Variants in PRKCA observed in about 807,000 individuals in gnomAD.
PRKCA encodes the protein protein kinase C alpha type.
In PRKCA, 27 loss-of-function variants were observed where a neutral mutation model predicts 87.0. The ratio of observed to expected loss-of-function variants is 0.31; its 90% CI spans 0.23 to 0.43. PRKCA has a LOEUF of 0.43. PRKCA is among the 20% of genes least tolerant of loss of function. The pLI is 1.00. For synonymous variants in PRKCA, 329 were observed against 311.1 expected (o/e 1.06, Z -0.61); for missense variants, 518 against 852.3 (o/e 0.61, Z 4.88).
chr17:66,567,811 A>G (rs897493938), intron 3 of PRKCA, among the ~76,000 whole-genome samples: 1 of 152,180 alleles, frequency 6.6e-6, no homozygotes, highest in African/African-American at 2.4e-5. Flanking sequence ...CGATTTGAAA[A>G]ATTCCTATAA....
intron 2 of PRKCA, among the ~76,000 whole-genome samples, chr17:66,391,364 A>G (rs969599834): frequency 2.0e-5 from 3 of 152,114 alleles, no homozygotes; most frequent in Non-Finnish European, 4.4e-5. Context: ...CCAAGAAAAG[A>G]TGGATGTTCC....
intron 3 of PRKCA, among the ~76,000 whole-genome samples, chr17:66,636,105 A>G (rs562076166): frequency 1.3e-5 from 2 of 152,264 alleles, no homozygotes; most frequent in Non-Finnish European, 2.9e-5. Context: ...ATCCCACCCA[A>G]TACATTTAGG....
At chr17:66,556,907 A>G (rs954066894) in intron 3 of PRKCA, among the ~76,000 whole-genome samples, 1 of 152,212 alleles carries the variant, frequency 6.6e-6, no homozygotes, top group Admixed American at 6.5e-5. Flanking sequence ...GGACTAATAC[A>G]CTACTACCTG....
At chr17:66,580,505 A>G (rs1048418055) in intron 3 of PRKCA, among the ~76,000 whole-genome samples, 19 of 152,156 alleles carry the variant, frequency 1.2e-4, no homozygotes, top group African/African-American at 3.6e-4. Context: ...ACACTGAGCC[A>G]TGTTTGGGCT....
At chr17:66,422,098 C>T (rs1001803494) in intron 2 of PRKCA, among the ~76,000 whole-genome samples, 1 of 152,064 alleles carries the variant, frequency 6.6e-6, no homozygotes, top group East Asian at 1.9e-4. Context: ...GTCATAATCT[C>T]TTCTCATAAA....
intron 2 of PRKCA, among the ~76,000 whole-genome samples, chr17:66,360,141 A>G (rs1056494463): frequency 6.6e-6 from 1 of 152,212 alleles, no homozygotes; most frequent in African/African-American, 2.4e-5. Context: ...CCACTCAAAC[A>G]TCGCCGAACT....
intron 2 of PRKCA, among the ~76,000 whole-genome samples, chr17:66,435,893 C>G (rs748842751): frequency 5.3e-5 from 8 of 152,044 alleles, no homozygotes; most frequent in Non-Finnish European, 7.4e-5. Flanking sequence ...ACATGACCAT[C>G]GTGAAGGACC....
intron 2 of PRKCA, among the ~76,000 whole-genome samples, chr17:66,375,279 T>A (rs1173013175): frequency 6.6e-6 from 1 of 152,206 alleles, no homozygotes; most frequent in East Asian, 1.9e-4. Context: ...TTCACCTGGT[T>A]AATGAATATT....
At chr17:66,619,320 C>T (rs1377809927) in intron 3 of PRKCA, among the ~76,000 whole-genome samples, 3 of 152,186 alleles carry the variant, frequency 2.0e-5, no homozygotes, top group African/African-American at 7.2e-5. Context: ...GTGACTCTGG[C>T]AGGTGTCAAC....
At chr17:66,574,427 T>C (rs1567907616) in intron 3 of PRKCA, among the ~76,000 whole-genome samples, 1 of 152,114 alleles carries the variant, frequency 6.6e-6, no homozygotes, top group East Asian at 1.9e-4. Context: ...CTCAGAGTGT[T>C]TTTATGAAGA....
At chr17:66,692,680 G>C (rs1972816634) in intron 8 of PRKCA, among the ~76,000 whole-genome samples, 1 of 152,208 alleles carries the variant, frequency 6.6e-6, no homozygotes, top group African/African-American at 2.4e-5. Flanking sequence ...GTGCTTCCCA[G>C]TGTCTCCAGG....
intron 5 of PRKCA, among the ~76,000 whole-genome samples, chr17:66,649,097 C>CA (rs919549017): frequency 0.02 from 1,819 of 89,486 alleles, 15 homozygotes; most frequent in South Asian, 0.031. Flanking sequence ...GAGTCCATCT[C>CA]AAAAAAAAAA....
At chr17:66,346,907 T>C (rs1024600247) in intron 2 of PRKCA, among the ~76,000 whole-genome samples, 2 of 152,022 alleles carry the variant, frequency 1.3e-5, no homozygotes, top group African/African-American at 4.8e-5. Flanking sequence ...GGCTCACACC[T>C]GTAATCCCAG....
chr17:66,387,438 G>GAGA (rs1405030348), intron 2 of PRKCA, among the ~76,000 whole-genome samples: 1 of 152,180 alleles, frequency 6.6e-6, no homozygotes, highest in East Asian at 1.9e-4. Flanking sequence ...TGACAAAGTT[G>GAGA]AGAAGGATCT....
chr17:66,706,479 C>CAA (rs398031367), intron 8 of PRKCA, among the ~76,000 whole-genome samples: 2,257 of 142,836 alleles, frequency 0.016, 28 homozygotes, highest in African/African-American at 0.03. Flanking sequence ...ACTAAAAATA[C>CAA]AAAAAAAAAA....
At chr17:66,781,864 G>GATATATATAT (rs1474229305) in intron 14 of PRKCA, among the ~76,000 whole-genome samples, 7 of 117,324 alleles carry the variant, frequency 6.0e-5, no homozygotes, top group East Asian at 2.4e-4. Flanking sequence ...GAGAGAGAGA[G>GATATATATAT]AGAGATATAT....
At chr17:66,681,723 C>T (rs984008574) in intron 5 of PRKCA, among the ~76,000 whole-genome samples, 1 of 152,210 alleles carries the variant, frequency 6.6e-6, no homozygotes, top group African/African-American at 2.4e-5. Flanking sequence ...TAGCTGCCCA[C>T]GCTCTTGGTC....
Position 66,611,211 on chromosome 17 carries a change from G to T in PRKCA, c.289-30144G>T, listed in dbSNP as rs543822784. Among the ~76,000 whole-genome samples the T allele has an allele frequency of 5.9e-5, 9 of 152,240 alleles. No homozygotes were observed. In the East Asian group the frequency reaches 1.4e-3, roughly 23 times the overall value. ...CAAGATACAATTCATGTACCCATAA[G>T]CTTCACCCATTTAAAGTGTATAGCT... On this transcript the variant is annotated intron_variant, in intron 3 of 16. Transcript: ENST00000413366.
intron 16 of PRKCA, chr17:66,796,693 A>G (rs1251539903): frequency 3.0e-6 from 3 of 985,262 alleles, no homozygotes; most frequent in Non-Finnish European, 3.6e-6. Flanking sequence ...CCTCCCAGGA[A>G]GCCCAAGTGA....
Sources: gnomAD v4.1 joint callset for allele counts (sites outside exome capture counted in the v4.1 genomes callset) on GRCh38, gnomAD v4.1.1 for gene constraint, MANE v1.5 for transcripts, NCBI Gene and HGNC (gene_info 2026-07-23, HGNC 2026-07-21) for gene names.